Variants in TAF1 observed in about 807,000 individuals in gnomAD.
TAF1 encodes TATA-box binding protein associated factor 1, also known as transcription initiation factor TFIID subunit 1.
A neutral mutation model predicts 138.5 loss-of-function variants in TAF1; 2 were observed. The ratio of observed to expected loss-of-function variants is 0.01; its 90% CI spans 0.01 to 0.05. TAF1 has a LOEUF of 0.05. Ranked by LOEUF, TAF1 falls within the 10% of genes least tolerant of loss-of-function variation. TAF1 has a pLI of 1.00. For synonymous variants in TAF1, 437 were observed against 503.2 expected, an observed-to-expected ratio of 0.87 and a Z score of 1.76; for missense variants, 709 against 1,478.0, an observed-to-expected ratio of 0.48 and a Z score of 8.53.
rs780718989 is a variant in TAF1 at position 71,508,163 on chromosome X, G to C, written c.1367-20379G>C. Among the ~76,000 whole-genome samples, 16 of 105,735 alleles carry C rather than the reference G, an allele frequency of 1.5e-4. No individual in the cohort carries two copies. The Admixed American group carries it at 1.6e-3, about 11-fold the overall frequency. 91.8% of individuals were successfully genotyped at this position (105,735 alleles called of 115,157 possible). A position where few individuals can be genotyped will look rare whatever the true frequency, so the allele number is the denominator to read the frequency against. On this transcript the variant is annotated intron_variant and NMD_transcript_variant, in intron 13 of 14. Transcript: ENST00000373775. ...CAGACAGCTCACTATATAGTTGGGAGAGACAAACACATAAATAGGCAATTA... is the reference window on the plus strand; with the variant it reads ...CAGACAGCTCACTATATAGTTGGGACAGACAAACACATAAATAGGCAATTA...
intron 31 of TAF1, 43 bp downstream of exon 31, chrX:71,424,109 G>A (rs1202909326): frequency 2.5e-6 from 3 of 1,196,279 alleles, no homozygotes; most frequent in Non-Finnish European, 3.4e-6. Flanking sequence ...GTAATCAAGT[G>A]ACTGTGTGTG....
intron 13 of TAF1, among the ~76,000 whole-genome samples, chrX:71,514,018 C>G (rs942115206): frequency 9.0e-6 from 1 of 111,639 alleles, no homozygotes; most frequent in East Asian, 2.8e-4. Context: ...CGCTCAGGTC[C>G]CCTTCCATAC....
intron 28 of TAF1, 33 bp from the exon 29 acceptor site, chrX:71,421,276 T>C: frequency 8.5e-7 from 1 of 1,171,616 alleles, no homozygotes; most frequent in Non-Finnish European, 1.2e-6. Context: ...CCTCCCGTTA[T>C]TAGTGGTTTC....
At chrX:71,495,463 G>C (rs938011596) in intron 13 of TAF1, among the ~76,000 whole-genome samples, 3 of 111,741 alleles carry the variant, frequency 2.7e-5, no homozygotes, top group African/African-American at 9.8e-5. Context: ...GAAAGGCATT[G>C]TCTGATTTCA....
chrX:71,486,509 C>T (rs2039174796), intron 13 of TAF1, among the ~76,000 whole-genome samples: 1 of 107,873 alleles, frequency 9.3e-6, no homozygotes, highest in African/African-American at 3.4e-5. Context: ...TGCACACCAC[C>T]ACGCCTGGCT....
intron 12 of TAF1, 144 bp from the exon 13 acceptor site, chrX:71,383,818 C>T: frequency 2.9e-6 from 2 of 694,730 alleles, no homozygotes; most frequent in East Asian, 3.5e-5. Flanking sequence ...ATTCTTTGAA[C>T]TTTACAGTAT....
chrX:71,482,428 A>G (rs1214397123), intron 13 of TAF1, among the ~76,000 whole-genome samples: 2 of 112,335 alleles, frequency 1.8e-5, no homozygotes, highest in Non-Finnish European at 3.8e-5. Context: ...CAACACAAGC[A>G]TACCTCAGAG....
intron 13 of TAF1, among the ~76,000 whole-genome samples, chrX:71,496,902 C>T (rs777302137): frequency 2.7e-5 from 3 of 112,471 alleles, no homozygotes; most frequent in Non-Finnish European, 5.6e-5. Flanking sequence ...GCAATAACTC[C>T]ATGATTTCCT....
chrX:71,409,936 A>G (rs1362392649), intron 28 of TAF1, among the ~76,000 whole-genome samples: 2 of 108,185 alleles, frequency 1.8e-5, no homozygotes, highest in African/African-American at 6.8e-5. Context: ...TCTGTCGCCC[A>G]GGCTGGAGTG....
rs142462587 is a variant in TAF1, at chrX:71,393,368, C to T, written c.3119C>T (p.Ser1040Phe). 45 of 1,209,913 alleles carry T rather than the reference C, an allele frequency of 3.7e-5. No individual in the cohort carries two copies. The highest frequency in any genetic ancestry group is 4.9e-5 in the Non-Finnish European group (44 of 895,160). ...VRTMSTEQAR[S>F]GEGPMSKFAR... is the part of the protein sequence containing the mutation. ...ACAATGTCAACAGAACAGGCTCGTT[C>T]TGGAGAGGGGCCCATGAGTAAATTT... is the stretch of plus-strand genomic sequence containing the variant. The change falls in exon 21 of 38, where the codon TCT becomes TTT. Residue 1040 changes from serine to phenylalanine, a missense_variant. Physicochemically the swap from Ser to Phe is radical, Grantham distance 155 (BLOSUM62 -2). Transcript: ENST00000423759.
intron 28 of TAF1, among the ~76,000 whole-genome samples, chrX:71,410,292 TA>T (rs1223672227): frequency 9.1e-6 from 1 of 110,005 alleles, no homozygotes; most frequent in Non-Finnish European, 1.9e-5. Flanking sequence ...TTAAATAGCT[TA>T]AAAAAATTTA....
At chrX:71,462,154 C>T (rs190581289) in intron 37 of TAF1, among the ~76,000 whole-genome samples, 3 of 111,382 alleles carry the variant, frequency 2.7e-5, no homozygotes, top group Admixed American at 9.6e-5. Flanking sequence ...AAGTTCTGGG[C>T]GGTCATTGAA....
chrX:71,411,585 C>G (rs958557448), intron 28 of TAF1, among the ~76,000 whole-genome samples: 2 of 112,671 alleles, frequency 1.8e-5, no homozygotes, highest in Non-Finnish European at 3.8e-5. Context: ...TCCACTTTTT[C>G]ACTTACTGTT....
chrX:71,422,906 G>GT (rs996211723), intron 29 of TAF1, among the ~76,000 whole-genome samples: 3 of 108,262 alleles, frequency 2.8e-5, no homozygotes, highest in South Asian at 4.0e-4. Context: ...CGCCCAGCTA[G>GT]TTTTTTTTTG....
At chrX:71,394,282 A>G (rs371358438) in intron 22 of TAF1, 37 bp downstream of exon 22, 43 of 1,158,836 alleles carry the variant, frequency 3.7e-5, no homozygotes, top group Non-Finnish European at 4.9e-5. Flanking sequence ...TAAAAAAGAG[A>G]AGGGTTAAAA....
At chrX:71,407,467 C>G in intron 26 of TAF1, 107 bp from the exon 27 acceptor site, 1 of 705,741 alleles carries the variant, frequency 1.4e-6, no homozygotes, top group African/African-American at 2.1e-5. Context: ...GTCCACCCAC[C>G]TCAGCCTCCC....
intron 34 of TAF1, chrX:71,455,114 A>G: frequency 9.4e-7 from 1 of 1,062,844 alleles, no homozygotes; most frequent in African/African-American, 1.9e-5. Context: ...GTGTTTGGGA[A>G]TATCAGATCC....
rs755963568 is a variant in TAF1 at position 71,456,958 on chromosome X, G to T, written c.4939-1283G>T. Among the ~76,000 whole-genome samples the T allele has an allele frequency of 1.8e-4, 20 of 110,982 alleles. No individual in the cohort carries two copies. In the South Asian group the frequency reaches 7.6e-3, roughly 42 times the overall value. On this transcript the variant is annotated intron_variant, in intron 34 of 37. Transcript: ENST00000423759. Reference sequence around the variant, plus strand: ...GCTGGGATTACAGGCGTGAGCCACCGCGCCCGGCCCAATAATGTATTTTCA... The same window carrying T: ...GCTGGGATTACAGGCGTGAGCCACCTCGCCCGGCCCAATAATGTATTTTCA...
chrX:71,403,290 A>C (rs1275375585), intron 25 of TAF1, among the ~76,000 whole-genome samples: 1 of 111,401 alleles, frequency 9.0e-6, no homozygotes, highest in African/African-American at 3.3e-5. Context: ...CAGCTTCCCA[A>C]AGTGCTGTGA....
Sources: gnomAD v4.1 joint callset for allele counts (sites outside exome capture counted in the v4.1 genomes callset) on GRCh38, gnomAD v4.1.1 for gene constraint, MANE v1.5 for transcripts, NCBI Gene and HGNC (gene_info 2026-07-23, HGNC 2026-07-21) for gene names.